Variants in FRAS1 observed in about 807,000 individuals in gnomAD.
FRAS1 encodes the protein extracellular matrix organizing protein FRAS1.
Under a neutral mutation model 435.2 loss-of-function variants are expected in FRAS1, and 290 were observed. The ratio of observed to expected loss-of-function variants is 0.67; its 90% CI spans 0.61 to 0.73. The LOEUF is 0.73. Ranked by LOEUF, FRAS1 falls within the 30% of genes least tolerant of loss-of-function variation. The pLI is 0.00. For synonymous variants in FRAS1, 1,800 were observed against 1,851.0 expected (o/e 0.97, Z 0.71); for missense variants, 4,860 against 5,001.5 (o/e 0.97, Z 0.85).
chr4:78,342,555 T>A (rs1035770571), intron 20 of FRAS1, among the ~76,000 whole-genome samples: 12 of 151,792 alleles, frequency 7.9e-5, no homozygotes, highest in African/African-American at 2.7e-4. Flanking sequence ...TAGAAAAAAT[T>A]TTTTTTTTGC....
At chr4:78,361,408 T>A (rs1731065998) in intron 20 of FRAS1, among the ~76,000 whole-genome samples, 1 of 152,240 alleles carries the variant, frequency 6.6e-6, no homozygotes, top group Non-Finnish European at 1.5e-5. Flanking sequence ...GTTCCTAATA[T>A]TAGCAAAAGG....
chr4:78,155,599 C>T (rs1244417959), intron 2 of FRAS1, among the ~76,000 whole-genome samples: 1 of 152,184 alleles, frequency 6.6e-6, no homozygotes, highest in African/African-American at 2.4e-5. Flanking sequence ...AAACCCGTGG[C>T]ATTCTAGGAG....
chr4:78,181,089 G>T, intron 2 of FRAS1: 1 of 1,558,764 alleles, frequency 6.4e-7, no homozygotes, highest in Non-Finnish European at 8.9e-7. Context: ...TGAATCCTCA[G>T]CATAAGCCTC....
At chr4:78,160,851 A>T (rs1350263335) in intron 2 of FRAS1, among the ~76,000 whole-genome samples, 2 of 152,200 alleles carry the variant, frequency 1.3e-5, no homozygotes, top group Admixed American at 6.5e-5. Flanking sequence ...ATCTATAAAA[A>T]GATGGGCTGG....
chr4:78,452,361 C>G lies in FRAS1; in HGVS notation c.6763+7C>G. On this transcript the variant is annotated splice_region_variant and intron_variant, in intron 47 of 73. Coordinates refer to ENST00000512123, the MANE Select transcript of FRAS1 (RefSeq NM_025074.7). Reference sequence around the variant, plus strand: ...GAACATGCAGCATCACCAGGTAAGTCTATCATCTCTTGATTTACTGAATCA... The same window carrying G: ...GAACATGCAGCATCACCAGGTAAGTGTATCATCTCTTGATTTACTGAATCA... 1 of 1,586,820 alleles carries G rather than the reference C, an allele frequency of 6.3e-7. No individual in the cohort carries two copies. The highest frequency in any genetic ancestry group is 1.2e-5 in the South Asian group (1 of 85,722).
rs61748815 is a variant in FRAS1, at chr4:78,540,805, G to T, written c.11720G>T (p.Gly3907Val). Residue 3907 changes from glycine (G) to valine (V), a missense_variant, in exon 74 of 74, where the codon GGC (glycine) becomes GTC (valine). Transcript: ENST00000512123. ...CTGTCACAGACTGGGGCGTCCATTG[G>T]CAGTGCCCTGGCTGCAATCATGCTT... ...ASLSQTGASI[G>V]SALAAIMLLL... The T allele has an allele frequency of 1.6e-3, 2,599 of 1,613,882 alleles. 30 individuals carry two copies. The African/African-American group carries it at 0.03, about 19-fold the overall frequency.
At chr4:78,399,668 C>T (rs1017060329) in intron 29 of FRAS1, among the ~76,000 whole-genome samples, 2 of 152,200 alleles carry the variant, frequency 1.3e-5, no homozygotes, top group Admixed American at 6.5e-5. Context: ...CACTTTCAAT[C>T]GGCCATCAGG....
At chr4:78,106,159 C>G (rs1214065209) in intron 2 of FRAS1, among the ~76,000 whole-genome samples, 2 of 97,500 alleles carry the variant, frequency 2.1e-5, no homozygotes, top group Admixed American at 2.5e-4. Flanking sequence ...AAGGCGGCAA[C>G]TAGGCTGGGG....
chr4:78,534,362 G>A, intron 70 of FRAS1, 87 bp from the exon 71 acceptor site: 1 of 1,056,724 alleles, frequency 9.5e-7, no homozygotes. Context: ...ACAATCCTGT[G>A]GAGGGTGGGG....
intron 48 of FRAS1, 66 bp from the exon 49 acceptor site, chr4:78,464,377 C>G (rs532613022): frequency 1.3e-6 from 2 of 1,592,402 alleles, no homozygotes; most frequent in South Asian, 2.2e-5. Context: ...TAGAGAGCAC[C>G]TACCTTGGAC....
chr4:78,483,776 C>G, intron 58 of FRAS1, among the ~76,000 whole-genome samples: 1 of 71,438 alleles, frequency 1.4e-5, no homozygotes, highest in South Asian at 6.7e-4. Context: ...AACTCTCTCT[C>G]TCTCTCTATA....
intron 29 of FRAS1, among the ~76,000 whole-genome samples, chr4:78,391,207 A>G (rs1342254622): frequency 6.6e-6 from 1 of 152,158 alleles, no homozygotes; most frequent in Admixed American, 6.5e-5. Flanking sequence ...TTGTTTTCCA[A>G]GTTCTACATC....
rs773991907 is a variant in FRAS1 at position 78,438,972 on chromosome 4, G to T, written c.5437G>T (p.Asp1813Tyr). Residue 1813 changes from aspartate (D) to tyrosine (Y), a missense_variant, in exon 40 of 74, where the codon GAC becomes TAC. Coordinates refer to ENST00000512123, the MANE Select transcript of FRAS1 (RefSeq NM_025074.7). Reference sequence around the variant, plus strand: ...CTTCTATTTCTCTGTCTCTGACATGGACCACAACCATCTGGATAATCAGAT... The same window carrying T: ...CTTCTATTTCTCTGTCTCTGACATGTACCACAACCATCTGGATAATCAGAT... ...DSFYFSVSDM[D>Y]HNHLDNQIFT... The T allele has an allele frequency of 6.2e-7, 1 of 1,613,184 alleles. No individual in the cohort carries two copies.
intron 2 of FRAS1, among the ~76,000 whole-genome samples, chr4:78,232,863 G>C (rs1034734012): frequency 7.9e-5 from 12 of 152,136 alleles, no homozygotes; most frequent in African/African-American, 2.9e-4. Flanking sequence ...ATACAAAGAG[G>C]AATCAAATGA....
intron 2 of FRAS1, among the ~76,000 whole-genome samples, chr4:78,221,410 T>G (rs1724046042): frequency 6.6e-6 from 1 of 152,196 alleles, no homozygotes; most frequent in Non-Finnish European, 1.5e-5. Context: ...ACCCGAGGGT[T>G]TTTTGGCATA....
intron 68 of FRAS1, among the ~76,000 whole-genome samples, chr4:78,522,355 G>T (rs981608345): frequency 7.9e-5 from 12 of 152,068 alleles, no homozygotes; most frequent in African/African-American, 2.7e-4. Flanking sequence ...GTCACATAAA[G>T]ACCCCTATTA....
chr4:78,167,241 A>C (rs1314405969), intron 2 of FRAS1, among the ~76,000 whole-genome samples: 2 of 152,182 alleles, frequency 1.3e-5, no homozygotes, highest in African/African-American at 4.8e-5. Flanking sequence ...CCATGTACCA[A>C]AGGCTGAACT....
At chr4:78,328,220 G>A (rs941668468) in intron 18 of FRAS1, among the ~76,000 whole-genome samples, 2 of 152,092 alleles carry the variant, frequency 1.3e-5, no homozygotes, top group Non-Finnish European at 2.9e-5. Context: ...TATTACATTC[G>A]TTTTGTGACC....
chr4:78,196,926 A>G (rs987709178), intron 2 of FRAS1, among the ~76,000 whole-genome samples: 9 of 152,324 alleles, frequency 5.9e-5, no homozygotes, highest in Admixed American at 2.6e-4. Flanking sequence ...GAAGTTGAGA[A>G]TGAGCAAAAA....
Sources: gnomAD v4.1 joint callset for allele counts (sites outside exome capture counted in the v4.1 genomes callset) on GRCh38, gnomAD v4.1.1 for gene constraint, MANE v1.5 for transcripts, NCBI Gene and HGNC (gene_info 2026-07-23, HGNC 2026-07-21) for gene names.